The following BRCA2 variants were observed in gnomAD, a reference collection of about 807,000 sequenced individuals.
BRCA2 encodes BRCA2 DNA repair associated.
Under a neutral mutation model 276.7 loss-of-function variants are expected in BRCA2, and 203 were observed. The observed-to-expected ratio is 0.73, with a 90% CI of 0.65 to 0.82. The LOEUF is 0.82. Ranked by LOEUF, BRCA2 falls within the 40% of genes least tolerant of loss-of-function variation. The pLI, the probability that BRCA2 is intolerant of heterozygous loss-of-function variation, is 0.00. For missense variants in BRCA2, 3,920 were observed against 3,915.0 expected (o/e 1.00, Z -0.03); for synonymous variants, 1,289 against 1,338.4 (o/e 0.96, Z 0.81).
At position 32,398,395 on chromosome 13, in the gene BRCA2, A is replaced by T. The variant is rs1555289988; in HGVS notation, c.9882A>T (p.Ala3294=). Residue 3294 remains alanine (A), a synonymous_variant, in exon 27 of 27, where the codon GCA becomes GCT. Transcript: ENST00000380152. Reference sequence around the variant, plus strand: ...TTTGTACATTTGTTTCTCCGGCTGCACAGAAGGCATTTCAGCCACCAAGGA... The same window carrying T: ...TTTGTACATTTGTTTCTCCGGCTGCTCAGAAGGCATTTCAGCCACCAAGGA... ...SPICTFVSPA[A]QKAFQPPRSC... The T allele has an allele frequency of 1.2e-6, 2 of 1,614,216 alleles. No individual in the cohort carries two copies. The highest frequency in any genetic ancestry group is 1.7e-6 in the Non-Finnish European group (2 of 1,180,040).
chr13:32,325,321 C>T (rs1181626294), intron 4 of BRCA2, 137 bp downstream of exon 4: 3 of 651,426 alleles, frequency 4.6e-6, no homozygotes, highest in Non-Finnish European at 7.8e-6. Context: ...TTTAAATAAT[C>T]TTTTAGGTTG....
intron 7 of BRCA2, among the ~76,000 whole-genome samples, chr13:32,328,398 C>T (rs758120159): frequency 4.6e-5 from 7 of 151,996 alleles, no homozygotes; most frequent in East Asian, 1.9e-4. Flanking sequence ...CCCACCACCA[C>T]GCCTGACTAA....
Position 32,346,070 on chromosome 13 carries a change from T to G in BRCA2, c.6938-757T>G, listed in dbSNP as rs367842619. On this transcript the variant is annotated intron_variant, in intron 12 of 26. Coordinates refer to ENST00000380152, the MANE Select transcript of BRCA2 (RefSeq NM_000059.4). ...TTAGGATTTGTCTTTTCTTATTTAA[T>G]TTTACATTTGAATAAATAAAACATT... Among the ~76,000 whole-genome samples, 8 of 152,154 alleles carry G rather than the reference T, an allele frequency of 5.3e-5. No homozygotes were observed. The East Asian group carries it at 1.5e-3, about 29-fold the overall frequency.
chr13:32,344,718 T>G, intron 12 of BRCA2, 65 bp downstream of exon 12: 4 of 1,162,242 alleles, frequency 3.4e-6, no homozygotes, highest in Non-Finnish European at 5.1e-6. Context: ...TATTCTGACC[T>G]CAGGTGATCC....
intron 24 of BRCA2, among the ~76,000 whole-genome samples, chr13:32,384,164 G>A (rs1401353007): frequency 6.6e-6 from 1 of 152,216 alleles, no homozygotes; most frequent in Non-Finnish European, 1.5e-5. Context: ...TTTTTAGAGT[G>A]GGAGGAGCAG....
rs1379054137 is a variant in BRCA2, at chr13:32,354,974, A to G, written c.7121A>G (p.Asn2374Ser). Residue 2374 changes from asparagine to serine, a missense_variant, in exon 14 of 27, where the codon AAT becomes AGT. Around this residue, in one of 2 missense-constraint regions of BRCA2, gnomAD observed 3,263 missense variants for 3,156.9 expected, o/e 1.03. Transcript: ENST00000380152. The stretch of plus-strand genomic sequence containing the variant: ...CTGACTTTGGAAAAATCTTCAAGCA[A>G]TTTAGCAGTTTCAGGACATCCATTT... ...EHLTLEKSSSNLAVSGHPFYQ... is the reference protein window; with the variant it reads ...EHLTLEKSSSSLAVSGHPFYQ... 1.9e-5 allele frequency: 31 copies of G among 1,613,544 alleles called. No homozygotes were observed. Among genetic ancestry groups the G allele is most frequent in the East Asian group, 8.9e-5 (4 of 44,858 alleles).
intron 24 of BRCA2, among the ~76,000 whole-genome samples, chr13:32,382,821 A>G (rs1192588384): frequency 1.3e-5 from 2 of 152,348 alleles, no homozygotes; most frequent in East Asian, 3.9e-4. Flanking sequence ...AGATGGAAGC[A>G]AAACAGGAAC....
Position 32,336,685 on chromosome 13 carries a change from A to G in BRCA2, c.2330A>G (p.Asp777Gly), listed in dbSNP as rs780489283. The change falls in exon 11 of 27, where the codon GAT becomes GGT. Residue 777 changes from aspartate (D) to glycine (G), a missense_variant. Around this residue, in one of 2 missense-constraint regions of BRCA2, gnomAD observed 3,263 missense variants for 3,156.9 expected, o/e 1.03. Transcript: ENST00000380152. ...STLILTPTSK[D>G]VLSNLVMISR... The stretch of plus-strand genomic sequence containing the variant: ...CTTATTTTAACTCCTACTTCCAAGG[A>G]TGTTCTGTCAAACCTAGTCATGATT... The G allele has an allele frequency of 3.7e-6, 6 of 1,613,904 alleles. No individual in the cohort carries two copies. The highest frequency in any genetic ancestry group is 5.1e-6 in the Non-Finnish European group (6 of 1,179,826).
chr13:32,356,353 A>G (rs2137561295), intron 14 of BRCA2, 75 bp from the exon 15 acceptor site: 1 of 1,448,262 alleles, frequency 6.9e-7, no homozygotes, highest in East Asian at 2.3e-5. Flanking sequence ...TACAGGCGTG[A>G]GCCACTGTGC....
rs1555281791 is a variant in BRCA2 at position 32,332,720 on chromosome 13, G to A, written c.1242G>A (p.Leu414=). 1 of 1,613,330 alleles carries A rather than the reference G, an allele frequency of 6.2e-7. No homozygotes were observed. The highest frequency in any genetic ancestry group is 8.5e-7 in the Non-Finnish European group (1 of 1,179,726). The change falls in exon 10 of 27, where the codon TTG becomes TTA. Residue 414 remains leucine, a synonymous_variant. Coordinates refer to ENST00000380152, the MANE Select transcript of BRCA2 (RefSeq NM_000059.4). ...NGAQMEKIPL[L]HISSCDQNIS... is the part of the protein sequence containing the mutation. ...CCCAGATGGAGAAAATACCCCTATT[G>A]CATATTTCTTCATGTGACCAAAATA...
In BRCA2 at chr13:32,339,269, A is replaced by G. The variant is rs201431881; in HGVS notation, c.4914A>G (p.Lys1638=). Residue 1638 remains lysine, a synonymous_variant, in exon 11 of 27, where the codon AAA becomes AAG. Transcript: ENST00000380152. ...CAAAAAGTATCTTTTTGAAAGTTAA[A>G]GTACATGAAAATGTAGAAAAAGAAA... ...KTSKSIFLKV[K]VHENVEKETA... 1 of 1,610,784 alleles carries G rather than the reference A, an allele frequency of 6.2e-7. No homozygotes were observed. Among genetic ancestry groups the G allele is most frequent in the African/African-American group, 1.3e-5 (1 of 74,704 alleles).
chr13:32,349,548 A>G (rs1452038184), intron 13 of BRCA2, among the ~76,000 whole-genome samples: 1 of 151,966 alleles, frequency 6.6e-6, no homozygotes, highest in African/African-American at 2.4e-5. Context: ...TTAAGAAGCA[A>G]TACTCGCCGG....
intron 24 of BRCA2, among the ~76,000 whole-genome samples, chr13:32,391,095 A>G (rs963003139): frequency 1.3e-5 from 2 of 152,222 alleles, no homozygotes; most frequent in African/African-American, 4.8e-5. Flanking sequence ...GGCTTAAAAC[A>G]GGGACATCTG....
At chr13:32,390,666 C>T (rs531401433) in intron 24 of BRCA2, among the ~76,000 whole-genome samples, 2 of 152,302 alleles carry the variant, frequency 1.3e-5, no homozygotes, top group Admixed American at 6.5e-5. Context: ...CTTCCTCCAG[C>T]TTTTGAAGCA....
intron 7 of BRCA2, 108 bp from the exon 8 acceptor site, chr13:32,329,335 A>G: frequency 1.3e-6 from 1 of 741,550 alleles, no homozygotes; most frequent in Non-Finnish European, 2.3e-6. Flanking sequence ...ATTTTGTTTC[A>G]AATGTGTCAT....
intron 3 of BRCA2, among the ~76,000 whole-genome samples, chr13:32,323,533 G>A (rs1012400540): frequency 2.0e-5 from 3 of 152,196 alleles, no homozygotes; most frequent in Admixed American, 1.3e-4. Context: ...ATTAGAGAAG[G>A]AGGTTGGATA....
chr13:32,357,385 A>G (rs887845410), intron 15 of BRCA2, among the ~76,000 whole-genome samples: 5 of 152,240 alleles, frequency 3.3e-5, no homozygotes, highest in African/African-American at 1.2e-4. Flanking sequence ...CTGAGGTCAC[A>G]TTCCCTAAAA....
intron 13 of BRCA2, among the ~76,000 whole-genome samples, chr13:32,348,131 A>G (rs1470939747): frequency 1.3e-5 from 2 of 152,120 alleles, no homozygotes; most frequent in African/African-American, 4.8e-5. Flanking sequence ...AAATTAACTC[A>G]GTAGAAATAA....
In BRCA2 at chr13:32,341,654, CAG is replaced by C. The variant is rs1447567906; in HGVS notation, c.6841+459_6841+460del. 3.9e-5 allele frequency among the ~76,000 whole-genome samples: 6 copies of C among 152,084 alleles called. 1 individual carries two copies. The East Asian group carries it at 1.2e-3, about 30-fold the overall frequency. ...GGCCGAGGCGGGCGGATCACGAGGTCAGGAGATCGAGACCATCCCGGCTAAAA... is the reference window on the plus strand; with the variant it reads ...GGCCGAGGCGGGCGGATCACGAGGTCGAGATCGAGACCATCCCGGCTAAAA... On this transcript the variant is annotated intron_variant, in intron 11 of 26. Transcript: ENST00000380152.
Sources: gnomAD v4.1 joint callset for allele counts (sites outside exome capture counted in the v4.1 genomes callset) on GRCh38, gnomAD v4.1.1 for gene constraint, gnomAD v4.1.1 regional missense constraint, MANE v1.5 for transcripts, NCBI Gene and HGNC (gene_info 2026-07-23, HGNC 2026-07-21) for gene names.